NLE1: variants seen among roughly 807,000 people sequenced by gnomAD.
The protein encoded by NLE1 is notchless homolog 1, also known as notchless protein homolog 1.
NLE1 carries 37 observed loss-of-function variants against 62.8 expected under a neutral mutation model. The observed-to-expected ratio is 0.59, with a 90% confidence interval of 0.45 to 0.78. The LOEUF (loss-of-function observed/expected upper bound fraction) is 0.78, where lower values mean the gene tolerates loss of function less well. Among genes scored for constraint, NLE1 ranks in the 30% least tolerant of loss-of-function variants. NLE1 has a pLI of 0.00. For missense variants in NLE1, 555 were observed against 637.9 expected (o/e 0.87, Z 1.40); for synonymous variants, 243 against 253.0 (o/e 0.96, Z 0.37).
At chr17:35,141,831 C>T (rs2091946008) in intron 2 of NLE1, 148 bp downstream of exon 2, 1 of 880,906 alleles carries the variant, frequency 1.1e-6, no homozygotes, top group African/African-American at 1.7e-5. Context: ...CCACTGATTC[C>T]ATCTCTGACA....
chr17:35,136,448 A>T lies in NLE1; in HGVS notation c.878T>A (p.Met293Lys). Reference sequence around the variant, plus strand: ...CAGGGCATAGTCAGTGCTGAGGGCCATGGTGTTCACCCAGTGGCCGTGGCC... The same window carrying T: ...CAGGGCATAGTCAGTGCTGAGGGCCTTGGTGTTCACCCAGTGGCCGTGGCC... ...LQGHGHWVNT[M>K]ALSTDYALRT... is the part of the protein sequence containing the mutation. The change falls in exon 8 of 13, where the codon ATG becomes AAG. Residue 293 changes from methionine to lysine, a missense_variant. Physicochemically the swap from Met to Lys is moderately conservative, Grantham distance 95. Transcript: ENST00000442241. The T allele has an allele frequency of 1.2e-6, 2 of 1,614,146 alleles. No individual in the cohort carries two copies. The highest frequency in any genetic ancestry group is 1.7e-6 in the Non-Finnish European group (2 of 1,179,992).
In NLE1 at chr17:35,132,143, G is replaced by A. The variant is rs2091879395; in HGVS notation, c.*294C>T. ...CTGACACTAGGGGCCCACTCATAGA[G>A]CCTGGCTGCCCACCACCCCTGTCTG... On this transcript the variant is annotated 3_prime_UTR_variant, in exon 13 of 13. Coordinates refer to ENST00000442241, the MANE Select transcript of NLE1 (RefSeq NM_018096.5). The A allele has an allele frequency of 1.0e-5, 3 of 297,724 alleles. No homozygotes were observed. The highest frequency in any genetic ancestry group is 1.1e-4 in the East Asian group (2 of 18,342). 18.4% of individuals were successfully genotyped at this position (297,724 alleles called of 1,614,324 possible). A position where few individuals can be genotyped will look rare whatever the true frequency, so the allele number is the denominator to read the frequency against.
At position 35,129,461 on chromosome 17, in the gene NLE1, T is replaced by A; in HGVS notation, c.*2976A>T. On this transcript the variant is annotated 3_prime_UTR_variant, in exon 13 of 13. Transcript: ENST00000442241. ...CGCCTTGGGCAAGCAGCCGGTCAGT[T>A]TCTACCAGCTCCTGTTACAGGAGGT... 1 of 1,614,168 alleles carries A rather than the reference T, an allele frequency of 6.2e-7. No individual in the cohort carries two copies. The highest frequency in any genetic ancestry group is 8.5e-7 in the Non-Finnish European group (1 of 1,180,020).
rs1447987423 is a variant in NLE1 at position 35,142,265 on chromosome 17, G to A, written c.11C>T (p.Ala4Val). The change falls in exon 1 of 13, where the codon GCA becomes GTA. Residue 4 changes from alanine to valine, a missense_variant. Ala to Val is a moderately conservative substitution (Grantham distance 64). Coordinates refer to ENST00000442241, the MANE Select transcript of NLE1 (RefSeq NM_018096.5). MAA[A>V]VPDEAVARDV... is the part of the protein sequence containing the mutation. ...CCATCCACGCACACCCACCGGCACT[G>A]CTGCCGCCATCCTGCGTCCCCACGT... The A allele has an allele frequency of 1.3e-6, 2 of 1,543,758 alleles. No homozygotes were observed. Among genetic ancestry groups the A allele is most frequent in the South Asian group, 1.2e-5 (1 of 84,352 alleles).
chr17:35,137,874 G>A lies in NLE1; in HGVS notation c.477C>T (p.Val159=). Residue 159 remains valine, a synonymous_variant, in exon 5 of 13, where the codon GTC becomes GTT. Coordinates refer to ENST00000442241, the MANE Select transcript of NLE1 (RefSeq NM_018096.5). ...HFTCKGHRHW[V]LSISWSPDGR... is the part of the protein sequence containing the mutation. Reference sequence around the variant, plus strand: ...CATCTGGAGACCAGGATATACTAAGGACCCAGTGTCTGTGTCCTAAGAAAG... The same window carrying A: ...CATCTGGAGACCAGGATATACTAAGAACCCAGTGTCTGTGTCCTAAGAAAG... 2 of 1,613,286 alleles carry A rather than the reference G, an allele frequency of 1.2e-6. No individual in the cohort carries two copies. The highest frequency in any genetic ancestry group is 1.1e-5 in the South Asian group (1 of 91,048).
In NLE1 at chr17:35,137,315, C is replaced by T. The variant is rs561346717; in HGVS notation, c.636-122G>A. 4.1e-6 allele frequency: 4 copies of T among 978,606 alleles called. No individual in the cohort carries two copies. The African/African-American group carries it at 4.9e-5, about 12-fold the overall frequency. The allele number at this position is 978,606 out of a possible 1,614,324, so 60.6% of individuals were successfully genotyped here. On this transcript the variant is annotated intron_variant, in intron 6 of 12. Transcript: ENST00000442241. ...TTTGACAGCTTTTCTGACACCAAGA[C>T]CCGGCTGCACTGCAAGGTGACTGCA...
chr17:35,128,898 CAA>C lies in NLE1; in HGVS notation c.*3537_*3538del, dbSNP rs1320904845. ...GGTCCCATTTGGGGGTGATGGGAGA[CAA>C]TGACAGATCATCAGGCATTAGATTC... On this transcript the variant is annotated 3_prime_UTR_variant, in exon 13 of 13. Transcript: ENST00000442241. The C allele has an allele frequency of 5.9e-6, 1 of 168,830 alleles. No individual in the cohort carries two copies. The highest frequency in any genetic ancestry group is 2.4e-5 in the African/African-American group (1 of 41,740). 10.5% of individuals were successfully genotyped at this position (168,830 alleles called of 1,614,324 possible).
Position 35,133,417 on chromosome 17 carries a change from G to A in NLE1, c.1296C>T (p.Gly432=). Residue 432 remains glycine, a synonymous_variant, in exon 11 of 13, where the codon GGC becomes GGT. Transcript: ENST00000442241. ...WSADSRLLVS[G]SSDSTLKVWD... is the part of the protein sequence containing the mutation. ...ACACCTTCAGTGTGCTGTCACTGCT[G>A]CCGCTGACCAGGAGCCGACTGTCAG... 6.2e-7 allele frequency: 1 copy of A among 1,614,142 alleles called. No homozygotes were observed. The highest frequency in any genetic ancestry group is 8.5e-7 in the Non-Finnish European group (1 of 1,180,050).
rs761491100 is a variant in NLE1 at position 35,137,905 on chromosome 17, G to A, written c.461-15C>T. The A allele has an allele frequency of 3.7e-6, 6 of 1,604,458 alleles. No individual in the cohort carries two copies. Among genetic ancestry groups the A allele is most frequent in the Non-Finnish European group, 5.1e-6 (6 of 1,172,446 alleles). On this transcript the variant is annotated splice_polypyrimidine_tract_variant and intron_variant, in intron 4 of 12. Coordinates refer to ENST00000442241, the MANE Select transcript of NLE1 (RefSeq NM_018096.5). ...GTGTCTGTGTCCTAAGAAAGCAGAGGAGGGAGAAATAAGGGACTACATCTG... is the reference window on the plus strand; with the variant it reads ...GTGTCTGTGTCCTAAGAAAGCAGAGAAGGGAGAAATAAGGGACTACATCTG...
Position 35,130,157 on chromosome 17 carries a change from TAGGTTGGATA to T in NLE1, c.*2270_*2279del. 1 of 1,465,562 alleles carries T rather than the reference TAGGTTGGATA, an allele frequency of 6.8e-7. No individual in the cohort carries two copies. Among genetic ancestry groups the T allele is most frequent in the Non-Finnish European group, 9.0e-7 (1 of 1,111,994 alleles). 90.8% of individuals were successfully genotyped at this position (1,465,562 alleles called of 1,614,324 possible). ...TGCACCTGTTTCCTGCGTCAATGGC[TAGGTTGGATA>T]AGGCTGTTTAAGGTCTGAGTCAGCA... On this transcript the variant is annotated 3_prime_UTR_variant, in exon 13 of 13. Coordinates refer to ENST00000442241, the MANE Select transcript of NLE1 (RefSeq NM_018096.5).
Position 35,136,170 on chromosome 17 carries a change from C to T in NLE1, c.1010G>A (p.Arg337Gln), listed in dbSNP as rs201219885. The T allele has an allele frequency of 1.3e-4, 214 of 1,614,026 alleles. No homozygotes were observed. Among genetic ancestry groups the T allele is most frequent in the Non-Finnish European group, 1.7e-4 (203 of 1,180,024 alleles). Reference sequence around the variant, plus strand: ...TGCACGTGGCTGGCACACACTCACCCGCACGAGGTTGTATCGGCTCAGAGC... The same window carrying T: ...TGCACGTGGCTGGCACACACTCACCTGCACGAGGTTGTATCGGCTCAGAGC... ...ERALSRYNLV[R>Q]GQGPERLVSG... The change falls in exon 9 of 13, where the codon CGG becomes CAG. Residue 337 changes from arginine (R) to glutamine (Q), a missense_variant and splice_region_variant. Coordinates refer to ENST00000442241, the MANE Select transcript of NLE1 (RefSeq NM_018096.5).
chr17:35,134,275 C>T (rs1386451280), intron 10 of NLE1, among the ~76,000 whole-genome samples: 5 of 152,230 alleles, frequency 3.3e-5, no homozygotes, highest in East Asian at 1.9e-4. Context: ...GTGGCCCACA[C>T]TTTGAGGAGG....
Position 35,137,787 on chromosome 17 carries a change from TG to T in NLE1, c.537+26del, listed in dbSNP as rs760536353. Reference sequence around the variant, plus strand: ...TCCTAGGAAGGCCCCCTTGAGTCTCTGCCTAGTTACCCTGAGAACTACCTAC... The same window carrying T: ...TCCTAGGAAGGCCCCCTTGAGTCTCTCCTAGTTACCCTGAGAACTACCTAC... On this transcript the variant is annotated intron_variant, in intron 5 of 12. Transcript: ENST00000442241. 1.4e-4 allele frequency: 215 copies of T among 1,531,020 alleles called. 1 individual carries two copies. The East Asian group carries it at 5.4e-3, about 38-fold the overall frequency. 94.8% of individuals were successfully genotyped at this position (1,531,020 alleles called of 1,614,324 possible). A position where few individuals can be genotyped will look rare whatever the true frequency, so the allele number is the denominator to read the frequency against.
chr17:35,136,196 C>T lies in NLE1; in HGVS notation c.984G>A (p.Arg328=). 6.2e-7 allele frequency: 1 copy of T among 1,614,134 alleles called. No homozygotes were observed. The highest frequency in any genetic ancestry group is 2.2e-5 in the East Asian group (1 of 44,878). The change falls in exon 9 of 13, where the codon AGG becomes AGA. Residue 328 remains arginine, a synonymous_variant. Coordinates refer to ENST00000442241, the MANE Select transcript of NLE1 (RefSeq NM_018096.5). ...LQGSLQELKE[R]ALSRYNLVRG... ...GCACGAGGTTGTATCGGCTCAGAGCCCTCTCCTTCAACTCCTGCACTGTGA... is the reference window on the plus strand; with the variant it reads ...GCACGAGGTTGTATCGGCTCAGAGCTCTCTCCTTCAACTCCTGCACTGTGA...
chr17:35,139,297 G>A lies in NLE1; in HGVS notation c.398C>T (p.Ser133Phe). The change falls in exon 4 of 13, where the codon TCT (serine) becomes TTT (phenylalanine). Residue 133 changes from serine (S) to phenylalanine (F), a missense_variant. Transcript: ENST00000442241. The stretch of plus-strand genomic sequence containing the variant: ...CCAGAAGCGCACGGTGGTGTCTCCA[G>A]AGCCACTGGCCAGGTACCTGGGGAA... ...SPTGKYLASG[S>F]GDTTVRFWDL... The A allele has an allele frequency of 6.2e-7, 1 of 1,614,010 alleles. No individual in the cohort carries two copies. Among genetic ancestry groups the A allele is most frequent in the Non-Finnish European group, 8.5e-7 (1 of 1,179,934 alleles).
chr17:35,132,850 T>G (rs2142499550), intron 12 of NLE1, among the ~76,000 whole-genome samples: 1 of 152,354 alleles, frequency 6.6e-6, no homozygotes, highest in East Asian at 1.9e-4. Flanking sequence ...CTCTGAAGTC[T>G]AGTGACAGAA....
At chr17:35,136,559 C>T in intron 7 of NLE1, 62 bp from the exon 8 acceptor site, 1 of 1,561,630 alleles carries the variant, frequency 6.4e-7, no homozygotes, top group Admixed American at 1.8e-5. Context: ...CGATTAGCCC[C>T]AGGAGACAGG....
At chr17:35,132,872 C>T (rs560482735) in intron 12 of NLE1, among the ~76,000 whole-genome samples, 3 of 152,310 alleles carry the variant, frequency 2.0e-5, no homozygotes, top group Non-Finnish European at 4.4e-5. Flanking sequence ...GACCTGGATG[C>T]GCCCTCTACA....
At position 35,137,536 on chromosome 17, in the gene NLE1, C is replaced by CA. The variant is rs774482384; in HGVS notation, c.635+6dup. 1 of 1,605,014 alleles carries CA rather than the reference C, an allele frequency of 6.2e-7. No homozygotes were observed. On this transcript the variant is annotated splice_region_variant and intron_variant, in intron 6 of 12. Transcript: ENST00000442241. ...TCATTTGTCCCAGCTCCGTCAGTGT[C>CA]ACTTACGCATGGAGGGGCTCCCAGC...
Sources: allele counts gnomAD v4.1 joint callset (sites outside exome capture counted in the v4.1 genomes callset), GRCh38; gene constraint gnomAD v4.1.1; transcripts MANE v1.5; gene names NCBI Gene and HGNC (gene_info 2026-07-23, HGNC 2026-07-21).